ZNF804B: variants seen among roughly 807,000 people sequenced by gnomAD.
ZNF804B encodes zinc finger protein 804B.
Under a neutral mutation model 101.4 loss-of-function variants are expected in ZNF804B, and 80 were observed. The observed-to-expected ratio is 0.79, with a 90% CI of 0.66 to 0.95. The LOEUF (loss-of-function observed/expected upper bound fraction) is 0.95. ZNF804B is among the 40% of genes least tolerant of loss of function. The probability of loss-of-function intolerance (pLI) is 0.00; values close to 1 mark genes in which losing one functional copy is unlikely to be tolerated. For missense variants in ZNF804B, 1,673 were observed against 1,561.9 expected (o/e 1.07, Z -1.20); for synonymous variants, 622 against 558.8 (o/e 1.11, Z -1.59).
At chr7:88,952,987 A>G (rs939928873) in intron 1 of ZNF804B, among the ~76,000 whole-genome samples, 1 of 151,716 alleles carries the variant, frequency 6.6e-6, no homozygotes, top group Admixed American at 6.6e-5. Context: ...CCTATTATAT[A>G]AAAAGACTAG....
At chr7:89,093,768 C>T (rs1380919356) in intron 1 of ZNF804B, among the ~76,000 whole-genome samples, 1 of 152,170 alleles carries the variant, frequency 6.6e-6, no homozygotes, top group East Asian at 1.9e-4. Flanking sequence ...GGGGAGGACC[C>T]CCTTCAACAG....
intron 1 of ZNF804B, among the ~76,000 whole-genome samples, chr7:89,176,591 C>CTTTTTTTTTTTTTTTT (rs35866405): frequency 1.4e-3 from 99 of 71,916 alleles, no homozygotes; most frequent in Non-Finnish European, 1.8e-3. Context: ...TTCTTTCTTT[C>CTTTTTTTTTTTTTTTT]TTTTTTTTTT....
intron 1 of ZNF804B, among the ~76,000 whole-genome samples, chr7:88,985,701 C>T (rs1316824698): frequency 6.6e-6 from 1 of 152,010 alleles, no homozygotes; most frequent in Non-Finnish European, 1.5e-5. Context: ...AGATGTGAAC[C>T]AACATACTTT....
intron 1 of ZNF804B, among the ~76,000 whole-genome samples, chr7:89,155,992 C>CTTCTTTCT (rs139417272): frequency 8.0e-4 from 105 of 131,356 alleles, no homozygotes; most frequent in East Asian, 5.6e-3. Context: ...CCTTCCTTTC[C>CTTCTTTCT]TTCTTTCTTT....
chr7:88,850,526 A>G (rs1791436986), intron 1 of ZNF804B, among the ~76,000 whole-genome samples: 1 of 152,160 alleles, frequency 6.6e-6, no homozygotes, highest in Non-Finnish European at 1.5e-5. Context: ...TCCTATTTCC[A>G]TCAATCAGAG....
chr7:89,165,543 T>C (rs1412301810), intron 1 of ZNF804B, among the ~76,000 whole-genome samples: 1 of 152,044 alleles, frequency 6.6e-6, no homozygotes, highest in East Asian at 1.9e-4. Flanking sequence ...GAAGGCAGAA[T>C]CCCTTAAGAT....
intron 2 of ZNF804B, among the ~76,000 whole-genome samples, chr7:89,298,182 T>C (rs1255824849): frequency 1.6e-5 from 2 of 122,886 alleles, no homozygotes; most frequent in Admixed American, 1.8e-4. Context: ...ATATATATAG[T>C]GTGTATATAT....
chr7:89,060,025 T>G (rs1789354780), intron 1 of ZNF804B, among the ~76,000 whole-genome samples: 1 of 152,112 alleles, frequency 6.6e-6, no homozygotes, highest in African/African-American at 2.4e-5. Flanking sequence ...CTTACACCAG[T>G]GGTAACCTGG....
At position 89,156,520 on chromosome 7, in the gene ZNF804B, C is replaced by T. The variant is rs1790978682; in HGVS notation, c.109-61635C>T. On this transcript the variant is annotated intron_variant, in intron 1 of 3. Transcript: ENST00000333190. Reference sequence around the variant, plus strand: ...GCAGTCCTAATAATTCACTTTACAACTACAACATGGAAATAATATAGAACT... The same window carrying T: ...GCAGTCCTAATAATTCACTTTACAATTACAACATGGAAATAATATAGAACT... 3.9e-5 allele frequency among the ~76,000 whole-genome samples: 6 copies of T among 152,238 alleles called. No homozygotes were observed. The South Asian group carries it at 1.2e-3, about 32-fold the overall frequency.
At chr7:89,315,126 G>A (rs1790704932) in intron 2 of ZNF804B, among the ~76,000 whole-genome samples, 1 of 152,122 alleles carries the variant, frequency 6.6e-6, no homozygotes, top group Non-Finnish European at 1.5e-5. Flanking sequence ...CGAATGGGGA[G>A]CAGGCATGTC....
chr7:89,163,562 C>A (rs1024316103), intron 1 of ZNF804B, among the ~76,000 whole-genome samples: 2 of 151,922 alleles, frequency 1.3e-5, no homozygotes, highest in Non-Finnish European at 2.9e-5. Flanking sequence ...TTAGTGTTAT[C>A]TTTTTTTCCT....
intron 1 of ZNF804B, among the ~76,000 whole-genome samples, chr7:88,851,792 G>C (rs890006580): frequency 6.6e-6 from 1 of 151,978 alleles, no homozygotes; most frequent in Non-Finnish European, 1.5e-5. Context: ...CAATAACAAT[G>C]CATCATGGAA....
intron 1 of ZNF804B, among the ~76,000 whole-genome samples, chr7:88,922,290 T>G (rs1264687682): frequency 6.6e-6 from 1 of 152,134 alleles, no homozygotes; most frequent in Non-Finnish European, 1.5e-5. Flanking sequence ...GTCATATTTC[T>G]GAATTTGATG....
At chr7:88,772,142 G>A (rs1332146629) in intron 1 of ZNF804B, among the ~76,000 whole-genome samples, 2 of 152,124 alleles carry the variant, frequency 1.3e-5, no homozygotes, top group East Asian at 1.9e-4. Flanking sequence ...TACGTTTAAT[G>A]TTCTTCTTTC....
At chr7:89,123,212 A>G (rs1460542370) in intron 1 of ZNF804B, among the ~76,000 whole-genome samples, 1 of 151,710 alleles carries the variant, frequency 6.6e-6, no homozygotes, top group African/African-American at 2.4e-5. Flanking sequence ...GAAGGAAGGG[A>G]AGAAGGGAGG....
intron 1 of ZNF804B, among the ~76,000 whole-genome samples, chr7:89,117,934 T>C (rs2116361838): frequency 6.6e-6 from 1 of 152,234 alleles, no homozygotes; most frequent in East Asian, 1.9e-4. Flanking sequence ...TGTTAAAAAA[T>C]GATGGAAAAT....
chr7:89,045,687 G>C (rs1053657087), intron 1 of ZNF804B, among the ~76,000 whole-genome samples: 1 of 152,096 alleles, frequency 6.6e-6, no homozygotes, highest in East Asian at 1.9e-4. Flanking sequence ...CTTTATTTTG[G>C]CCATTTCGTC....
Position 89,242,642 on chromosome 7 carries a change from A to G in ZNF804B, c.249+24347A>G, listed in dbSNP as rs1584078268. ...ATATTATACATTGAAAAAAAAAGATAACTTAAAATAATACAGTATTAGGAT... is the reference window on the plus strand; with the variant it reads ...ATATTATACATTGAAAAAAAAAGATGACTTAAAATAATACAGTATTAGGAT... On this transcript the variant is annotated intron_variant, in intron 2 of 3. Transcript: ENST00000333190. Among the ~76,000 whole-genome samples the G allele has an allele frequency of 2.6e-5, 4 of 151,962 alleles. No individual in the cohort carries two copies. In the South Asian group the frequency reaches 8.3e-4, roughly 31 times the overall value.
intron 2 of ZNF804B, among the ~76,000 whole-genome samples, chr7:89,278,920 G>C (rs1412719367): frequency 3.3e-5 from 5 of 152,014 alleles, no homozygotes; most frequent in Middle Eastern, 3.2e-3. Context: ...GGATGGCATT[G>C]AATCTGTAAA....
Sources: gnomAD v4.1 joint callset for allele counts (sites outside exome capture counted in the v4.1 genomes callset) on GRCh38, gnomAD v4.1.1 for gene constraint, MANE v1.5 for transcripts, NCBI Gene and HGNC (gene_info 2026-07-23, HGNC 2026-07-21) for gene names.